Variants in KIF1A observed in about 807,000 individuals in gnomAD.
KIF1A encodes kinesin family member 1A.
Under a neutral mutation model 227.3 loss-of-function variants are expected in KIF1A, and 46 were observed. That is an observed-to-expected ratio of 0.20 (90% CI 0.16 to 0.26). The LOEUF (loss-of-function observed/expected upper bound fraction) is 0.26, where lower values mean the gene tolerates loss of function less well. Ranked by LOEUF, KIF1A falls within the 10% of genes least tolerant of loss-of-function variation. KIF1A has a pLI of 1.00. For missense variants in KIF1A, 1,683 were observed against 2,485.9 expected, an observed-to-expected ratio of 0.68 and a Z score of 6.87; for synonymous variants, 1,022 against 1,012.8, an observed-to-expected ratio of 1.01 and a Z score of -0.17.
In KIF1A at chr2:240,772,112, C is replaced by T. The variant is rs950316206; in HGVS notation, c.1207+458G>A. The stretch of plus-strand genomic sequence containing the variant: ...GCATTTCCAGAGTTGAGGGCCTGGG[C>T]GTGGGGGGTCAGGTCAGCTGGAGAA... On this transcript the variant is annotated intron_variant, in intron 14 of 48. Transcript: ENST00000498729. 3.9e-5 allele frequency among the ~76,000 whole-genome samples: 6 copies of T among 152,142 alleles called. No homozygotes were observed. The East Asian group carries it at 9.6e-4, about 24-fold the overall frequency.
chr2:240,788,024 T>TG lies in KIF1A; in HGVS notation c.363+26dup. 3 of 1,488,232 alleles carry TG rather than the reference T, an allele frequency of 2.0e-6. No homozygotes were observed. The highest frequency in any genetic ancestry group is 2.7e-6 in the Non-Finnish European group (3 of 1,092,714). 92.2% of individuals were successfully genotyped at this position (1,488,232 alleles called of 1,614,324 possible). A position where few individuals can be genotyped will look rare whatever the true frequency, so the allele number is the denominator to read the frequency against. ...CTGGTCCCGCCCCATCTGCCAGGGCTGCCCCCGCCCGCCCCCCGCTTCGTG... is the reference window on the plus strand; with the variant it reads ...CTGGTCCCGCCCCATCTGCCAGGGCTGGCCCCCGCCCGCCCCCCGCTTCGTG... On this transcript the variant is annotated intron_variant, in intron 4 of 48. Transcript: ENST00000498729. This position sits in a 1 kb window ranked among gnomAD's most constrained non-coding sequence, Gnocchi z 6.6.
intron 10 of KIF1A, among the ~76,000 whole-genome samples, chr2:240,779,356 CCTCA>C (rs1222076186): frequency 3.5e-5 from 5 of 144,610 alleles, no homozygotes; most frequent in Non-Finnish European, 7.4e-5. Flanking sequence ...ACACTCAGTT[CCTCA>C]CTCAGTTCCT....
At position 240,719,824 on chromosome 2, in the gene KIF1A, G is replaced by T. The variant is rs184939069; in HGVS notation, c.4971C>A (p.Asp1657Glu). The T allele has an allele frequency of 1.4e-5, 23 of 1,610,724 alleles. No homozygotes were observed. The Middle Eastern group carries it at 5.0e-4, about 35-fold the overall frequency. Residue 1657 changes from aspartate to glutamate, a missense_variant, in exon 46 of 49, where the codon GAC (aspartate) becomes GAA (glutamate). Physicochemically the swap from Asp to Glu is conservative, Grantham distance 45. Transcript: ENST00000498729. ...LPSPARATETDKEPQRLLVPD... is the reference protein window; with the variant it reads ...LPSPARATETEKEPQRLLVPD... ...GGACCAGCAGGCGCTGGGGCTCCTT[G>T]TCTGTCTCTGTTGCCCGGGCAGGGG...
intron 10 of KIF1A, among the ~76,000 whole-genome samples, chr2:240,780,179 C>G (rs970917105): frequency 7.9e-5 from 12 of 152,004 alleles, no homozygotes; most frequent in African/African-American, 2.9e-4. Flanking sequence ...TTCCTCATGC[C>G]TTTCCCAGCA....
chr2:240,814,517 A>T (rs1367477863), intron 1 of KIF1A, among the ~76,000 whole-genome samples: 2 of 152,184 alleles, frequency 1.3e-5, no homozygotes, highest in African/African-American at 4.8e-5. Flanking sequence ...AAGACAGGAA[A>T]CCAAGAAACA....
rs1172924871 is a variant in KIF1A, at chr2:240,789,047, C to T, written c.183+189G>A. The stretch of plus-strand genomic sequence containing the variant: ...AACTACCCACACGGAGCTGAAGGCC[C>T]CTCAGTTCCTGCAGCCTCCATCACT... On this transcript the variant is annotated intron_variant, in intron 3 of 48. Coordinates refer to ENST00000498729, the MANE Select transcript of KIF1A (RefSeq NM_001244008.2). The surrounding 1 kb of genome is among the most constrained non-coding windows in gnomAD (Gnocchi z 4.8). Among the ~76,000 whole-genome samples the T allele has an allele frequency of 6.6e-6, 1 of 152,182 alleles. No individual in the cohort carries two copies. The highest frequency in any genetic ancestry group is 1.5e-5 in the Non-Finnish European group (1 of 68,026).
At chr2:240,811,970 G>A (rs543978387) in intron 1 of KIF1A, among the ~76,000 whole-genome samples, 25 of 152,228 alleles carry the variant, frequency 1.6e-4, no homozygotes, top group Middle Eastern at 3.4e-3. Context: ...GTGGGTATGT[G>A]GGTATGGCCA....
At chr2:240,747,792 C>T (rs887951594) in intron 28 of KIF1A, among the ~76,000 whole-genome samples, 4 of 152,204 alleles carry the variant, frequency 2.6e-5, no homozygotes, top group African/African-American at 9.7e-5. Flanking sequence ...CGCAACTCCC[C>T]AGGCCTGCCG....
In KIF1A at chr2:240,742,782, C is replaced by A. The variant is rs145443966; in HGVS notation, c.3640+147G>T. On this transcript the variant is annotated intron_variant, in intron 34 of 48. Coordinates refer to ENST00000498729, the MANE Select transcript of KIF1A (RefSeq NM_001244008.2). Reference sequence around the variant, plus strand: ...CTTGCTCCATGGGGACCCCGTGAGGCCTGACAGGCTCAGGGTGGCGCCAGA... The same window carrying A: ...CTTGCTCCATGGGGACCCCGTGAGGACTGACAGGCTCAGGGTGGCGCCAGA... 1.0e-5 allele frequency: 7 copies of A among 690,766 alleles called. No homozygotes were observed. The East Asian group carries it at 1.9e-4, about 19-fold the overall frequency. The allele number at this position is 690,766 out of a possible 1,614,324, so 42.8% of individuals were successfully genotyped here.
Position 240,757,669 on chromosome 2 carries a change from G to C in KIF1A, c.2583-75C>G, listed in dbSNP as rs2050031765. 2.1e-6 allele frequency: 3 copies of C among 1,462,010 alleles called. No individual in the cohort carries two copies. The highest frequency in any genetic ancestry group is 2.8e-6 in the Non-Finnish European group (3 of 1,090,040). The allele number at this position is 1,462,010 out of a possible 1,614,324, so 90.6% of individuals were successfully genotyped here. A position where few individuals can be genotyped will look rare whatever the true frequency, so the allele number is the denominator to read the frequency against. On this transcript the variant is annotated intron_variant, in intron 26 of 48. Coordinates refer to ENST00000498729, the MANE Select transcript of KIF1A (RefSeq NM_001244008.2). The surrounding 1 kb of genome is among the most constrained non-coding windows in gnomAD (Gnocchi z 6.2). ...GGGACGAACAGGGGCCGGGGCCGGGGCTGGGGGGCTTCTGTTTAAAACCAA... is the reference window on the plus strand; with the variant it reads ...GGGACGAACAGGGGCCGGGGCCGGGCCTGGGGGGCTTCTGTTTAAAACCAA...
intron 38 of KIF1A, among the ~76,000 whole-genome samples, chr2:240,729,201 T>C (rs2046347127): frequency 6.6e-6 from 1 of 152,154 alleles, no homozygotes; most frequent in Non-Finnish European, 1.5e-5. Context: ...CCACCAGCCC[T>C]GTCTCTCCTG....
intron 33 of KIF1A, 142 bp downstream of exon 33, chr2:240,743,800 G>A: frequency 1.7e-6 from 1 of 601,898 alleles, no homozygotes; most frequent in Admixed American, 2.8e-5. Context: ...TGCCAGCCCT[G>A]GGCAAAAGGC....
chr2:240,750,497 C>A lies in KIF1A; in HGVS notation c.2909G>T (p.Arg970Leu), dbSNP rs201742042. Residue 970 changes from arginine to leucine, a missense_variant, in exon 28 of 49, where the codon CGT becomes CTT. Physicochemically the swap from Arg to Leu is moderately radical, Grantham distance 102. This residue lies in a region of KIF1A where 759 missense variants were observed against 1,020.2 expected (regional missense o/e 0.74). Coordinates refer to ENST00000498729, the MANE Select transcript of KIF1A (RefSeq NM_001244008.2). ...NLLYPVPLVHRVAIVSEKGEV... is the reference protein window; with the variant it reads ...NLLYPVPLVHLVAIVSEKGEV... Reference sequence around the variant, plus strand: ...GCCCTTCTCGCTGACGATTGCCACACGGTGTACCAGGGGAACGGGGTACAG... The same window carrying A: ...GCCCTTCTCGCTGACGATTGCCACAAGGTGTACCAGGGGAACGGGGTACAG... The A allele has an allele frequency of 6.2e-7, 1 of 1,613,930 alleles. No individual in the cohort carries two copies.
At position 240,758,578 on chromosome 2, in the gene KIF1A, A is replaced by G. The variant is rs2050142331; in HGVS notation, c.2445-81T>C. ...CCGCACACCCTTATCTCCTGGGGAC[A>G]GTGGGCTCAGCCTAGCTCTGGCCAC... On this transcript the variant is annotated intron_variant, in intron 25 of 48. Coordinates refer to ENST00000498729, the MANE Select transcript of KIF1A (RefSeq NM_001244008.2). This position sits in a 1 kb window ranked among gnomAD's most constrained non-coding sequence, Gnocchi z 5.2. 5 of 1,391,688 alleles carry G rather than the reference A, an allele frequency of 3.6e-6. No individual in the cohort carries two copies. In the East Asian group the frequency reaches 1.0e-4, roughly 29 times the overall value. 86.2% of individuals were successfully genotyped at this position (1,391,688 alleles called of 1,614,324 possible).
chr2:240,772,469 G>A (rs1490676888), intron 14 of KIF1A, 101 bp downstream of exon 14: 2 of 982,780 alleles, frequency 2.0e-6, no homozygotes, highest in East Asian at 5.3e-5. Context: ...AAGCAGAGCA[G>A]GTACCCTGGG....
intron 28 of KIF1A, among the ~76,000 whole-genome samples, chr2:240,748,063 A>C (rs2048808947): frequency 6.6e-6 from 1 of 152,210 alleles, no homozygotes; most frequent in African/African-American, 2.4e-5. Context: ...ATTAGGTATC[A>C]CCCAACATAA....
chr2:240,729,164 C>T (rs937770598), intron 38 of KIF1A, among the ~76,000 whole-genome samples: 2 of 152,066 alleles, frequency 1.3e-5, no homozygotes, highest in Admixed American at 6.5e-5. Flanking sequence ...TACTTCTATG[C>T]ACTGGGTAAG....
intron 46 of KIF1A, 53 bp from the exon 47 acceptor site, chr2:240,719,251 C>A: frequency 6.4e-7 from 1 of 1,550,428 alleles, no homozygotes; most frequent in Non-Finnish European, 8.7e-7. Flanking sequence ...CAGCGACTGA[C>A]TCGGGCACTC....
Position 240,788,300 on chromosome 2 carries a change from G to A in KIF1A, c.184-70C>T, listed in dbSNP as rs535094648. ...CCGAGGCTCAGCCCATCATGTCTGCGGAGCCAGGGGATGCCCAGGGCCTCA... is the reference window on the plus strand; with the variant it reads ...CCGAGGCTCAGCCCATCATGTCTGCAGAGCCAGGGGATGCCCAGGGCCTCA... On this transcript the variant is annotated intron_variant, in intron 3 of 48. Transcript: ENST00000498729. The surrounding 1 kb of genome is among the most constrained non-coding windows in gnomAD (Gnocchi z 6.6). The A allele has an allele frequency of 3.5e-4, 503 of 1,452,954 alleles. No individual in the cohort carries two copies. Among genetic ancestry groups the A allele is most frequent in the Non-Finnish European group, 4.7e-4 (488 of 1,046,728 alleles). 90.0% of individuals were successfully genotyped at this position (1,452,954 alleles called of 1,614,324 possible). A position where few individuals can be genotyped will look rare whatever the true frequency, so the allele number is the denominator to read the frequency against.
Sources: allele counts gnomAD v4.1 joint callset (sites outside exome capture counted in the v4.1 genomes callset), GRCh38; gene constraint gnomAD v4.1.1; regional missense constraint gnomAD v4.1.1; non-coding constraint Gnocchi (gnomAD v3.1); transcripts MANE v1.5; gene names NCBI Gene and HGNC (gene_info 2026-07-23, HGNC 2026-07-21).